Variants in SHISA9 observed in about 807,000 individuals in gnomAD.
The protein encoded by SHISA9 is protein shisa-9.
A neutral mutation model predicts 38.0 loss-of-function variants in SHISA9; 13 were observed. That is an observed-to-expected ratio of 0.34 (90% CI 0.22 to 0.54). The LOEUF (loss-of-function observed/expected upper bound fraction) is 0.54. Among genes scored for constraint, SHISA9 ranks in the 20% least tolerant of loss-of-function variants. The pLI, the probability that SHISA9 is intolerant of heterozygous loss-of-function variation, is 0.91. For missense variants in SHISA9, 538 were observed against 575.8 expected (o/e 0.93, Z 0.67); for synonymous variants, 275 against 242.0 (o/e 1.14, Z -1.27).
intron 2 of SHISA9, among the ~76,000 whole-genome samples, chr16:13,139,359 C>G (rs1391675919): frequency 2.1e-5 from 2 of 97,418 alleles, no homozygotes; most frequent in African/African-American, 8.5e-5. Context: ...TTCCCTCCCT[C>G]CCCTCCCTCC....
chr16:13,310,074 G>C, the SHISA9 span, among the ~76,000 whole-genome samples: 2 of 152,106 alleles, frequency 1.3e-5, no homozygotes, highest in Non-Finnish European at 2.9e-5. Context: ...TTTTAGTAGA[G>C]ATGGGGTTTC....
intron 2 of SHISA9, among the ~76,000 whole-genome samples, chr16:13,169,063 C>G (rs1567233733): frequency 1.3e-5 from 2 of 152,170 alleles, no homozygotes; most frequent in South Asian, 2.1e-4. Flanking sequence ...ATTTCCAACT[C>G]TCTGTATACA....
the SHISA9 span, among the ~76,000 whole-genome samples, chr16:13,312,018 G>A: frequency 6.6e-6 from 1 of 152,200 alleles, no homozygotes; most frequent in African/African-American, 2.4e-5. Flanking sequence ...GGATGTCCAG[G>A]AAGAGAGGGG....
chr16:13,141,501 A>T (rs545780845), intron 2 of SHISA9, among the ~76,000 whole-genome samples: 1 of 152,166 alleles, frequency 6.6e-6, no homozygotes, highest in African/African-American at 2.4e-5. Context: ...CCTGGCTAAC[A>T]TGGTGAAACC....
chr16:12,946,127 C>T (rs1045498699), intron 2 of SHISA9, among the ~76,000 whole-genome samples: 15 of 152,176 alleles, frequency 9.9e-5, no homozygotes, highest in Non-Finnish European at 1.6e-4. Context: ...TTTTTGTCAG[C>T]TTTGTCAAAG....
At chr16:12,931,476 C>T (rs2141743314) in intron 2 of SHISA9, among the ~76,000 whole-genome samples, 1 of 152,274 alleles carries the variant, frequency 6.6e-6, no homozygotes, top group Admixed American at 6.5e-5. Context: ...GTCTGTTATT[C>T]CCATCTTTAT....
the SHISA9 span, among the ~76,000 whole-genome samples, chr16:13,421,933 C>T: frequency 1.3e-5 from 2 of 152,180 alleles, no homozygotes; most frequent in South Asian, 2.1e-4. Flanking sequence ...TCCCTGGTGA[C>T]GAGCACAGGA....
At chr16:13,534,630 A>G in the SHISA9 span, among the ~76,000 whole-genome samples, 1 of 152,160 alleles carries the variant, frequency 6.6e-6, no homozygotes, top group African/African-American at 2.4e-5. Context: ...TCTTTGACAC[A>G]TTTGACCACA....
At chr16:13,410,376 T>A in the SHISA9 span, among the ~76,000 whole-genome samples, 6 of 152,228 alleles carry the variant, frequency 3.9e-5, no homozygotes, top group African/African-American at 1.4e-4. Flanking sequence ...TTATATTTAG[T>A]CACCATCACC....
the SHISA9 span, among the ~76,000 whole-genome samples, chr16:13,369,910 G>A: frequency 1.3e-5 from 2 of 152,064 alleles, no homozygotes; most frequent in South Asian, 2.1e-4. Flanking sequence ...TATCTCTGGG[G>A]TTGGAGACCT....
chr16:13,490,167 A>G, the SHISA9 span, among the ~76,000 whole-genome samples: 1 of 152,132 alleles, frequency 6.6e-6, no homozygotes, highest in East Asian at 1.9e-4. Context: ...AAAGTTTAGG[A>G]ACAGATGATG....
the SHISA9 span, among the ~76,000 whole-genome samples, chr16:13,278,306 G>A: frequency 6.6e-6 from 1 of 151,966 alleles, no homozygotes; most frequent in African/African-American, 2.4e-5. Context: ...TATGTTGTTG[G>A]ATTCAGTTAG....
chr16:13,503,948 A>G, the SHISA9 span, among the ~76,000 whole-genome samples: 65 of 152,298 alleles, frequency 4.3e-4, no homozygotes, highest in South Asian at 2.5e-3. Context: ...TCCAAGCACA[A>G]TATAAATTAT....
At chr16:13,114,980 A>G (rs1461971041) in intron 2 of SHISA9, among the ~76,000 whole-genome samples, 3 of 148,668 alleles carry the variant, frequency 2.0e-5, no homozygotes, top group South Asian at 2.1e-4. Flanking sequence ...ATATGTATCT[A>G]TCTATCTATC....
At chr16:13,338,925 T>C in the SHISA9 span, among the ~76,000 whole-genome samples, 1 of 152,206 alleles carries the variant, frequency 6.6e-6, no homozygotes. Context: ...GGGAAAACTT[T>C]CATCAAACTT....
intron 2 of SHISA9, among the ~76,000 whole-genome samples, chr16:13,047,325 A>G (rs576875812): frequency 1.3e-5 from 2 of 151,394 alleles, no homozygotes; most frequent in Non-Finnish European, 2.9e-5. Context: ...CAATCAGACC[A>G]TTAAAAAAAA....
At chr16:13,184,320 C>G (rs1214696789) in intron 2 of SHISA9, among the ~76,000 whole-genome samples, 1 of 152,186 alleles carries the variant, frequency 6.6e-6, no homozygotes, top group Non-Finnish European at 1.5e-5. Flanking sequence ...GTACTTTCTG[C>G]CTCAGATCCT....
At chr16:12,918,489 G>A (rs2071286446) in intron 2 of SHISA9, among the ~76,000 whole-genome samples, 1 of 152,216 alleles carries the variant, frequency 6.6e-6, no homozygotes, top group Admixed American at 6.5e-5. Context: ...ACTCATTGAA[G>A]TCACCTAAGT....
chr16:13,115,643 C>G (rs1010402425), intron 2 of SHISA9, among the ~76,000 whole-genome samples: 1 of 152,172 alleles, frequency 6.6e-6, no homozygotes, highest in African/African-American at 2.4e-5. Context: ...AGTTTTGGAG[C>G]CAGTTTATGG....
Sources: allele counts gnomAD v4.1 joint callset (sites outside exome capture counted in the v4.1 genomes callset), GRCh38; gene constraint gnomAD v4.1.1; transcripts MANE v1.5; gene names NCBI Gene and HGNC (gene_info 2026-07-23, HGNC 2026-07-21).